Variants in EYS observed in about 807,000 individuals in gnomAD.
EYS encodes EGF-like photoreceptor maintenance factor.
Under a neutral mutation model 282.1 loss-of-function variants are expected in EYS, and 250 were observed. The observed-to-expected ratio is 0.89, with a 90% CI of 0.80 to 0.98. The LOEUF (loss-of-function observed/expected upper bound fraction) is 0.98. Among genes scored for constraint, EYS ranks in the 50% least tolerant of loss-of-function variants. EYS has a pLI of 0.00. For synonymous variants in EYS, 1,355 were observed against 1,282.9 expected (o/e 1.06, Z -1.20); for missense variants, 4,016 against 3,709.0 (o/e 1.08, Z -2.15).
At chr6:63,725,523 A>T (rs745935165) in intron 42 of EYS, among the ~76,000 whole-genome samples, 2 of 152,132 alleles carry the variant, frequency 1.3e-5, no homozygotes, top group African/African-American at 2.4e-5. Context: ...TTATGTTTGT[A>T]TGTGGTTCTC....
intron 26 of EYS, among the ~76,000 whole-genome samples, chr6:64,575,855 A>T (rs1765863732): frequency 6.6e-6 from 1 of 152,114 alleles, no homozygotes; most frequent in Non-Finnish European, 1.5e-5. Flanking sequence ...AAAACTGAAA[A>T]TTTGGGGACA....
At chr6:65,027,721 G>A (rs1772464044) in intron 13 of EYS, among the ~76,000 whole-genome samples, 1 of 152,066 alleles carries the variant, frequency 6.6e-6, no homozygotes. Context: ...TATCAGTATT[G>A]TATTAATCAC....
rs577410671 is a variant in EYS, at chr6:63,877,972, C to T, written c.7056-13614G>A. Among the ~76,000 whole-genome samples, 469 of 152,328 alleles carry T rather than the reference C, an allele frequency of 3.1e-3. 3 individuals carry two copies. The highest frequency in any genetic ancestry group is 6.8e-3 in the Middle Eastern group (2 of 294). On this transcript the variant is annotated intron_variant, in intron 35 of 42. Transcript: ENST00000503581. ...CCGATCATCTGAAGCCTTCTTCTCTCAACTCGTCAAAATAATTCTCCATCC... is the reference window on the plus strand; with the variant it reads ...CCGATCATCTGAAGCCTTCTTCTCTTAACTCGTCAAAATAATTCTCCATCC...
chr6:65,382,963 T>C (rs1360614751), intron 8 of EYS, among the ~76,000 whole-genome samples: 4 of 148,628 alleles, frequency 2.7e-5, no homozygotes, highest in East Asian at 4.1e-4. Flanking sequence ...ACCCTCAGTA[T>C]TAAGCATCAC....
intron 32 of EYS, among the ~76,000 whole-genome samples, chr6:64,069,785 T>C (rs1451940662): frequency 6.6e-6 from 1 of 152,150 alleles, no homozygotes; most frequent in East Asian, 1.9e-4. Context: ...TAAAGAGCTT[T>C]TGTTTACATG....
chr6:64,395,914 T>C (rs1028737977), intron 28 of EYS, among the ~76,000 whole-genome samples: 8 of 152,134 alleles, frequency 5.3e-5, no homozygotes, highest in African/African-American at 1.9e-4. Context: ...CATATATTTA[T>C]ATTGAATTAT....
chr6:64,610,707 T>G (rs1393147043), intron 24 of EYS, among the ~76,000 whole-genome samples: 1 of 152,194 alleles, frequency 6.6e-6, no homozygotes, highest in Non-Finnish European at 1.5e-5. Flanking sequence ...ACAAGCAAGT[T>G]GTAAGACATT....
chr6:64,545,265 A>T (rs960166033), intron 26 of EYS, among the ~76,000 whole-genome samples: 1 of 152,210 alleles, frequency 6.6e-6, no homozygotes, highest in Non-Finnish European at 1.5e-5. Context: ...ACCAACGACA[A>T]AAACCATACG....
intron 22 of EYS, among the ~76,000 whole-genome samples, chr6:64,768,111 T>C (rs970895566): frequency 6.6e-6 from 1 of 152,120 alleles, no homozygotes; most frequent in African/African-American, 2.4e-5. Context: ...AAAATTTAAA[T>C]TAACCTAGAA....
At chr6:64,196,232 A>T (rs1765284026) in intron 31 of EYS, among the ~76,000 whole-genome samples, 1 of 152,236 alleles carries the variant, frequency 6.6e-6, no homozygotes, top group Non-Finnish European at 1.5e-5. Context: ...ATCATTAAAA[A>T]GTCAGGAAAC....
At chr6:64,652,426 GA>G (rs1322563464) in intron 22 of EYS, among the ~76,000 whole-genome samples, 1 of 152,112 alleles carries the variant, frequency 6.6e-6, no homozygotes, top group Non-Finnish European at 1.5e-5. Context: ...TCTAAGAGCT[GA>G]AAGTATTTTC....
chr6:63,835,502 G>A (rs938323533), intron 36 of EYS, among the ~76,000 whole-genome samples: 1 of 151,956 alleles, frequency 6.6e-6, no homozygotes, highest in African/African-American at 2.4e-5. Flanking sequence ...AACATCATAT[G>A]TTCTCACTGA....
chr6:64,057,942 C>A (rs932682858), intron 33 of EYS, among the ~76,000 whole-genome samples: 3 of 152,070 alleles, frequency 2.0e-5, no homozygotes, highest in African/African-American at 7.2e-5. Flanking sequence ...GATGATCCTC[C>A]CACTGCAGTC....
intron 1 of EYS, among the ~76,000 whole-genome samples, chr6:65,684,306 T>A (rs1301411923): frequency 6.6e-6 from 1 of 151,940 alleles, no homozygotes; most frequent in Non-Finnish European, 1.5e-5. Context: ...AAGAAAATAA[T>A]AACATTTTAA....
At chr6:64,916,177 C>T (rs1768156728) in intron 15 of EYS, among the ~76,000 whole-genome samples, 1 of 152,072 alleles carries the variant, frequency 6.6e-6, no homozygotes, top group East Asian at 1.9e-4. Flanking sequence ...GAGGGTATTG[C>T]ACAAGTATTT....
intron 8 of EYS, among the ~76,000 whole-genome samples, chr6:65,371,615 A>G (rs1414546601): frequency 1.3e-5 from 2 of 151,808 alleles, no homozygotes; most frequent in Non-Finnish European, 2.9e-5. Flanking sequence ...CAGGAGAAGT[A>G]TGATAATATT....
At chr6:64,164,443 G>C (rs934598575) in intron 31 of EYS, among the ~76,000 whole-genome samples, 1 of 152,024 alleles carries the variant, frequency 6.6e-6, no homozygotes, top group African/African-American at 2.4e-5. Context: ...TGTAATTGAG[G>C]AACTACTAAA....
chr6:64,049,651 T>C (rs1187830208), intron 33 of EYS, among the ~76,000 whole-genome samples: 1 of 152,170 alleles, frequency 6.6e-6, no homozygotes, highest in South Asian at 2.1e-4. Flanking sequence ...TCCCTGTATG[T>C]AGCTTGTATT....
chr6:64,462,200 C>A (rs1775771709), intron 26 of EYS, among the ~76,000 whole-genome samples: 1 of 152,100 alleles, frequency 6.6e-6, no homozygotes, highest in Non-Finnish European at 1.5e-5. Context: ...TAACTTAAAT[C>A]CTTTTAATTT....
Sources: allele counts gnomAD v4.1 joint callset (sites outside exome capture counted in the v4.1 genomes callset), GRCh38; gene constraint gnomAD v4.1.1; transcripts MANE v1.5; gene names NCBI Gene and HGNC (gene_info 2026-07-23, HGNC 2026-07-21).